Variants in PTPRN2 observed in about 807,000 individuals in gnomAD.
The protein encoded by PTPRN2 is protein tyrosine phosphatase receptor type N2, also known as receptor-type tyrosine-protein phosphatase N2.
PTPRN2 carries 74 observed loss-of-function variants against 118.8 expected under a neutral mutation model. The observed-to-expected ratio is 0.62, with a 90% CI of 0.52 to 0.76. The LOEUF (loss-of-function observed/expected upper bound fraction) is 0.76, where lower values mean the gene tolerates loss of function less well. Among genes scored for constraint, PTPRN2 ranks in the 30% least tolerant of loss-of-function variants. The pLI is 0.00. For synonymous variants in PTPRN2, 641 were observed against 608.0 expected (o/e 1.05, Z -0.80); for missense variants, 1,481 against 1,394.4 (o/e 1.06, Z -0.99).
rs1797937627 is a variant in PTPRN2, at chr7:157,539,921, T to C, written c.*793A>G. The C allele has an allele frequency of 6.6e-6, 1 of 152,248 alleles. No homozygotes were observed. Among genetic ancestry groups the C allele is most frequent in the Admixed American group, 6.5e-5 (1 of 15,284 alleles). 9.4% of individuals were successfully genotyped at this position (152,248 alleles called of 1,614,324 possible). ...GTTGTGGTTATCTCACAGGTAAGCA[T>C]TCACGGGGGCATCTGTTTTCATAAC... On this transcript the variant is annotated 3_prime_UTR_variant, in exon 23 of 23. Coordinates refer to ENST00000389418, the MANE Select transcript of PTPRN2 (RefSeq NM_002847.5).
intron 2 of PTPRN2, among the ~76,000 whole-genome samples, chr7:158,455,228 T>C (rs1344478486): frequency 2.0e-5 from 3 of 150,756 alleles, no homozygotes; most frequent in African/African-American, 7.3e-5. Flanking sequence ...CGGCCACCCA[T>C]CGCTCTGCAG....
At chr7:157,840,540 G>A (rs115654262) in intron 12 of PTPRN2, among the ~76,000 whole-genome samples, 3,148 of 152,318 alleles carry the variant, frequency 0.021, 97 homozygotes, top group African/African-American at 0.071. Context: ...TCCAGGCAGG[G>A]TGTGGGAGTG....
At chr7:157,862,587 T>G (rs1457088937) in intron 12 of PTPRN2, 5 of 152,302 alleles carry the variant, frequency 3.3e-5, no homozygotes, top group African/African-American at 1.2e-4. Context: ...ATTTGTTACC[T>G]TGCTTTAAAA....
intron 2 of PTPRN2, among the ~76,000 whole-genome samples, chr7:158,465,131 T>C (rs1411569761): frequency 6.6e-6 from 1 of 152,234 alleles, no homozygotes. Flanking sequence ...TAAAGCATGC[T>C]GGGCCTCCTC....
At chr7:158,071,008 T>A (rs1275730529) in intron 11 of PTPRN2, among the ~76,000 whole-genome samples, 7 of 81,646 alleles carry the variant, frequency 8.6e-5, no homozygotes, top group Admixed American at 2.5e-4. Context: ...CTCATGGTGG[T>A]GGAGGTGCTC....
intron 12 of PTPRN2, among the ~76,000 whole-genome samples, chr7:157,788,556 CCCACGA>C (rs1195489521): frequency 6.6e-6 from 1 of 152,170 alleles, no homozygotes; most frequent in East Asian, 1.9e-4. Context: ...CAAAGAGTCC[CCCACGA>C]CCTCTTAGTC....
At chr7:158,419,001 T>C (rs1349345588) in intron 2 of PTPRN2, among the ~76,000 whole-genome samples, 2 of 152,266 alleles carry the variant, frequency 1.3e-5, no homozygotes, top group Non-Finnish European at 2.9e-5. Context: ...ATCCTCATTT[T>C]CCTATAAGTT....
intron 9 of PTPRN2, among the ~76,000 whole-genome samples, chr7:158,111,749 G>A (rs1224981504): frequency 1.3e-5 from 2 of 152,154 alleles, no homozygotes; most frequent in Admixed American, 6.5e-5. Flanking sequence ...CCCTCGAGGG[G>A]TTCACATTCT....
At position 157,787,127 on chromosome 7, in the gene PTPRN2, CGCGGGG is replaced by C. The variant is rs1804106567; in HGVS notation, c.1789-104196_1789-104191del. On this transcript the variant is annotated intron_variant, in intron 12 of 22. Transcript: ENST00000389418. This position sits in a 1 kb window ranked among gnomAD's most constrained non-coding sequence, Gnocchi z 5.3. ...AGGCGGACGCGGGTGCGGCGGGGGA[CGCGGGG>C]GTGGCTGCCCGGGAGGCGGACGCGG... Among the ~76,000 whole-genome samples the C allele has an allele frequency of 1.1e-5, 1 of 88,722 alleles. No individual in the cohort carries two copies. The highest frequency in any genetic ancestry group is 4.5e-5 in the African/African-American group (1 of 22,150). The allele number at this position is 88,722 out of a possible 152,430, so 58.2% of individuals were successfully genotyped here. A position where few individuals can be genotyped will look rare whatever the true frequency, so the allele number is the denominator to read the frequency against.
chr7:158,499,992 C>G (rs1040353734), intron 1 of PTPRN2, among the ~76,000 whole-genome samples: 2 of 145,392 alleles, frequency 1.4e-5, no homozygotes, highest in African/African-American at 5.1e-5. Context: ...AAGACAAAAA[C>G]TGCTTCCTGG....
chr7:158,073,449 C>T (rs967778692), intron 11 of PTPRN2, among the ~76,000 whole-genome samples: 2 of 152,210 alleles, frequency 1.3e-5, no homozygotes, highest in East Asian at 1.9e-4. Context: ...GCACCTTCCT[C>T]GGGCACCCCT....
At position 157,676,308 on chromosome 7, in the gene PTPRN2, G is replaced by A. The variant is rs528486837; in HGVS notation, c.2001+6417C>T. ...TGCCCCAGCCACGCCTCCATCTCCC[G>A]CCAGCCGCCAAGAGCTCCACCCACC... On this transcript the variant is annotated intron_variant, in intron 13 of 22. Transcript: ENST00000389418. The surrounding 1 kb of genome is among the most constrained non-coding windows in gnomAD (Gnocchi z 5.6). Among the ~76,000 whole-genome samples, 17 of 152,006 alleles carry A rather than the reference G, an allele frequency of 1.1e-4. No individual in the cohort carries two copies. In the South Asian group the frequency reaches 2.5e-3, roughly 22 times the overall value.
chr7:158,516,961 A>G (rs1823621867), intron 1 of PTPRN2, among the ~76,000 whole-genome samples: 4 of 152,172 alleles, frequency 2.6e-5, no homozygotes, highest in South Asian at 2.1e-4. Context: ...ACACTACACC[A>G]TGGAAAGTCC....
chr7:158,177,467 C>A (rs577595433), intron 5 of PTPRN2, among the ~76,000 whole-genome samples: 1 of 152,246 alleles, frequency 6.6e-6, no homozygotes, highest in East Asian at 1.9e-4. Flanking sequence ...ATACAATAAA[C>A]AGTACAGGAG....
At chr7:157,648,100 A>AGTGT (rs1805248588) in intron 14 of PTPRN2, among the ~76,000 whole-genome samples, 1 of 64,626 alleles carries the variant, frequency 1.5e-5, no homozygotes, top group Admixed American at 1.7e-4. Context: ...AGACCCATCC[A>AGTGT]GCGTGCACTG....
chr7:158,212,634 G>C (rs1243377308), intron 3 of PTPRN2, among the ~76,000 whole-genome samples: 2 of 152,042 alleles, frequency 1.3e-5, no homozygotes, highest in African/African-American at 2.4e-5. Flanking sequence ...TATCTACTAT[G>C]AAAGATGGAA....
intron 11 of PTPRN2, among the ~76,000 whole-genome samples, chr7:157,993,340 A>C (rs1237307181): frequency 3.3e-5 from 5 of 151,534 alleles, no homozygotes; most frequent in East Asian, 1.9e-4. Flanking sequence ...AAAAAAAAAA[A>C]CCACCTAAGC....
At chr7:158,141,446 C>A (rs1394042027) in intron 6 of PTPRN2, among the ~76,000 whole-genome samples, 1 of 152,196 alleles carries the variant, frequency 6.6e-6, no homozygotes, top group Admixed American at 6.5e-5. Flanking sequence ...CCGTTCACTG[C>A]ATACGCAGGA....
intron 2 of PTPRN2, among the ~76,000 whole-genome samples, chr7:158,471,671 G>C (rs764024895): frequency 6.6e-6 from 1 of 151,918 alleles, no homozygotes; most frequent in Non-Finnish European, 1.5e-5. Flanking sequence ...CTGGGGGACA[G>C]AGCGAGACTC....
Sources: allele counts gnomAD v4.1 joint callset (sites outside exome capture counted in the v4.1 genomes callset), GRCh38; gene constraint gnomAD v4.1.1; non-coding constraint Gnocchi (gnomAD v3.1); transcripts MANE v1.5; gene names NCBI Gene and HGNC (gene_info 2026-07-23, HGNC 2026-07-21).